Variants in CDH23 observed in about 807,000 individuals in gnomAD.
The protein encoded by CDH23 is cadherin-23.
In CDH23, 189 loss-of-function variants were observed where a neutral mutation model predicts 317.1. The observed-to-expected ratio is 0.60, with a 90% confidence interval of 0.53 to 0.67. The LOEUF (loss-of-function observed/expected upper bound fraction) is 0.67. CDH23 is among the 30% of genes least tolerant of loss of function. CDH23 has a pLI of 0.00. For synonymous variants in CDH23, 1,839 were observed against 1,876.8 expected, an observed-to-expected ratio of 0.98 and a Z score of 0.52; for missense variants, 4,401 against 4,592.4, an observed-to-expected ratio of 0.96 and a Z score of 1.20.
chr10:71,464,619 C>G (rs1412155584), intron 3 of CDH23, among the ~76,000 whole-genome samples: 1 of 142,702 alleles, frequency 7.0e-6, no homozygotes, highest in Non-Finnish European at 1.5e-5. Flanking sequence ...GGATGACTTG[C>G]TGTCAGTTCC....
chr10:71,777,688 GC>G lies in CDH23; in HGVS notation c.4855del (p.His1619ThrfsTer4), dbSNP rs2132925663. ...EGTPTLSATT[H>X]VYVTIVDEND... ...CCCACTCTTTTCCACAGGCCACCAC[GC>G]ACGTGTACGTGACCATTGTGGATGA... On this transcript the variant is annotated frameshift_variant, in exon 39 of 70. Transcript: ENST00000224721. LOFTEE classifies it high-confidence loss of function. 5 of 1,610,720 alleles carry G rather than the reference GC, an allele frequency of 3.1e-6. No individual in the cohort carries two copies. The highest frequency in any genetic ancestry group is 4.2e-6 in the Non-Finnish European group (5 of 1,178,660).
At chr10:71,544,515 G>A (rs974161527) in intron 6 of CDH23, among the ~76,000 whole-genome samples, 11 of 152,186 alleles carry the variant, frequency 7.2e-5, no homozygotes, top group African/African-American at 2.4e-4. Flanking sequence ...CCTGCCCCAC[G>A]CCCGCTCCCA....
chr10:71,484,919 G>C (rs987444456), intron 3 of CDH23, among the ~76,000 whole-genome samples: 17 of 151,916 alleles, frequency 1.1e-4, no homozygotes, highest in African/African-American at 4.1e-4. Flanking sequence ...ACACTAAAGG[G>C]CTGTGTCATT....
intron 1 of CDH23, among the ~76,000 whole-genome samples, chr10:71,399,479 G>T (rs1322350670): frequency 6.6e-6 from 1 of 152,212 alleles, no homozygotes; most frequent in Non-Finnish European, 1.5e-5. Context: ...GGCCAGTTTT[G>T]CTAGGCTCGG....
intron 38 of CDH23, among the ~76,000 whole-genome samples, chr10:71,754,577 T>G (rs1009909493): frequency 2.0e-5 from 3 of 152,138 alleles, no homozygotes; most frequent in Non-Finnish European, 2.9e-5. Context: ...CACTGTCACC[T>G]GGCCAGGGTG....
intron 6 of CDH23, among the ~76,000 whole-genome samples, chr10:71,536,618 C>T (rs1855717421): frequency 6.6e-6 from 1 of 152,182 alleles, no homozygotes; most frequent in Non-Finnish European, 1.5e-5. Context: ...TGGAGACTCA[C>T]TTTTGGGTGG....
chr10:71,574,581 T>C (rs1858048620), intron 8 of CDH23, among the ~76,000 whole-genome samples: 2 of 152,126 alleles, frequency 1.3e-5, no homozygotes, highest in Admixed American at 6.6e-5. Context: ...CGTTCACCTT[T>C]CAAGTCCTTA....
At position 71,682,416 on chromosome 10, in the gene CDH23, A is replaced by G. The variant is rs1021071404; in HGVS notation, c.1859-29A>G. ...ACGGGCATCTCAAGTCTGCTTACAG[A>G]GGGATCTGGCCTGTTCCTGTCATTG... On this transcript the variant is annotated intron_variant, in intron 17 of 69. Coordinates refer to ENST00000224721, the MANE Select transcript of CDH23 (RefSeq NM_022124.6). The G allele has an allele frequency of 9.3e-6, 15 of 1,608,744 alleles. No individual in the cohort carries two copies. In the Admixed American group the frequency reaches 2.5e-4, roughly 27 times the overall value.
At position 71,815,202 on chromosome 10, in the gene CDH23, A is replaced by G. The variant is rs778140362; in HGVS notation, c.9989A>G (p.Glu3330Gly). 1 of 1,606,106 alleles carries G rather than the reference A, an allele frequency of 6.2e-7. No individual in the cohort carries two copies. Among genetic ancestry groups the G allele is most frequent in the South Asian group, 1.1e-5 (1 of 90,876 alleles). ...GCCTTCGAGCGCAACGCCCGCACAG[A>G]ATCCGCCAAATCCACACCCCTGCAC... ...ATAFERNART[E>G]SAKSTPLHKL... is the part of the protein sequence containing the mutation. The change falls in exon 70 of 70, where the codon GAA (glutamate) becomes GGA (glycine). Residue 3330 changes from glutamate (E) to glycine (G), a missense_variant. Around this residue, in one of 3 missense-constraint regions of CDH23, gnomAD observed 1,144 missense variants for 1,138.2 expected, o/e 1.01. Transcript: ENST00000224721.
At chr10:71,553,157 G>C (rs909135145) in intron 6 of CDH23, among the ~76,000 whole-genome samples, 1 of 152,194 alleles carries the variant, frequency 6.6e-6, no homozygotes, top group Non-Finnish European at 1.5e-5. Flanking sequence ...TATGCAGCCA[G>C]GGGTGTGAAC....
At chr10:71,669,804 C>G (rs1445585661) in intron 14 of CDH23, among the ~76,000 whole-genome samples, 1 of 151,854 alleles carries the variant, frequency 6.6e-6, no homozygotes, top group Non-Finnish European at 1.5e-5. Context: ...TGTGACTTCA[C>G]TGTTGGGCAC....
chr10:71,785,860 G>C (rs374258012), intron 44 of CDH23, 122 bp downstream of exon 44: 34 of 717,150 alleles, frequency 4.7e-5, no homozygotes, highest in Non-Finnish European at 7.8e-5. Flanking sequence ...GAGTGAGCAC[G>C]TGCTGGCTTC....
chr10:71,715,439 G>C (rs1375006844), intron 28 of CDH23: 2 of 152,622 alleles, frequency 1.3e-5, no homozygotes, highest in Admixed American at 6.5e-5. Flanking sequence ...CCAAGGAAGA[G>C]AGCCCCGAGG....
At chr10:71,453,998 G>C (rs1255346076) in intron 3 of CDH23, among the ~76,000 whole-genome samples, 1 of 152,212 alleles carries the variant, frequency 6.6e-6, no homozygotes, top group Admixed American at 6.5e-5. Flanking sequence ...ACTTTGGTTG[G>C]AGTTAAGATG....
chr10:71,793,140 G>C (rs12356672), intron 47 of CDH23, 42 bp from the exon 48 acceptor site: 2 of 1,455,630 alleles, frequency 1.4e-6, no homozygotes, highest in Admixed American at 3.9e-5. Context: ...CTTTCTGGAA[G>C]AGGCCACTGT....
intron 3 of CDH23, among the ~76,000 whole-genome samples, chr10:71,504,608 G>T (rs1471737076): frequency 6.6e-6 from 1 of 152,182 alleles, no homozygotes; most frequent in African/African-American, 2.4e-5. Context: ...GAGTGGAGGG[G>T]CTGGCCTAGC....
chr10:71,712,784 G>C lies in CDH23; in HGVS notation c.3340G>C (p.Asp1114His). ...CAGCTATGAGGCCAGCGTCCCTGAG[G>C]ACATCCCTGAAGGCCACAGCATCTT... The part of the protein sequence containing the change: ...QSSYEASVPE[D>H]IPEGHSILQL... The change falls in exon 28 of 70, where the codon GAC becomes CAC. Residue 1114 changes from aspartate (D) to histidine (H), a missense_variant. Around this residue, in one of 3 missense-constraint regions of CDH23, gnomAD observed 3,068 missense variants for 3,203.3 expected, o/e 0.96. Coordinates refer to ENST00000224721, the MANE Select transcript of CDH23 (RefSeq NM_022124.6). 6.2e-7 allele frequency: 1 copy of C among 1,612,892 alleles called. No individual in the cohort carries two copies. Among genetic ancestry groups the C allele is most frequent in the South Asian group, 1.1e-5 (1 of 90,868 alleles).
chr10:71,463,025 A>G (rs1851081768), intron 3 of CDH23, among the ~76,000 whole-genome samples: 1 of 152,234 alleles, frequency 6.6e-6, no homozygotes, highest in South Asian at 2.1e-4. Context: ...CCCGTCTAAA[A>G]TGAAAATCGC....
At chr10:71,695,604 G>A (rs749577911) in intron 22 of CDH23, 79 bp downstream of exon 22, 30 of 1,008,602 alleles carry the variant, frequency 3.0e-5, no homozygotes, top group Non-Finnish European at 4.5e-5. Flanking sequence ...ATTCCAGGGG[G>A]CCTTCCCCTA....
Sources: allele counts gnomAD v4.1 joint callset (sites outside exome capture counted in the v4.1 genomes callset), GRCh38; gene constraint gnomAD v4.1.1; regional missense constraint gnomAD v4.1.1; transcripts MANE v1.5; gene names NCBI Gene and HGNC (gene_info 2026-07-23, HGNC 2026-07-21).